EPB41L4A: variants seen among roughly 807,000 people sequenced by gnomAD.
EPB41L4A encodes the protein band 4.1-like protein 4A.
Under a neutral mutation model 108.6 loss-of-function variants are expected in EPB41L4A, and 100 were observed. That is an observed-to-expected ratio of 0.92 (90% CI 0.78 to 1.09). The LOEUF (loss-of-function observed/expected upper bound fraction) is 1.09, where lower values mean the gene tolerates loss of function less well. Among genes scored for constraint, EPB41L4A ranks in the 50% least tolerant of loss-of-function variants. EPB41L4A has a pLI of 0.00. For missense variants in EPB41L4A, 1,030 were observed against 842.7 expected (o/e 1.22, Z -2.75); for synonymous variants, 319 against 289.0 (o/e 1.10, Z -1.05).
At chr5:112,191,306 T>C (rs1180434318) in intron 17 of EPB41L4A, among the ~76,000 whole-genome samples, 4 of 152,148 alleles carry the variant, frequency 2.6e-5, no homozygotes, top group Admixed American at 6.5e-5. Flanking sequence ...CAAGGGCCCT[T>C]ACACACAGAG....
chr5:112,315,795 G>C (rs1271396198), intron 1 of EPB41L4A, among the ~76,000 whole-genome samples: 3 of 148,582 alleles, frequency 2.0e-5, no homozygotes, highest in Non-Finnish European at 4.4e-5. Flanking sequence ...AAAAAAATCT[G>C]ACAGAAATTT....
At chr5:112,201,462 T>C (rs1414247987) in intron 15 of EPB41L4A, among the ~76,000 whole-genome samples, 1 of 152,228 alleles carries the variant, frequency 6.6e-6, no homozygotes, top group Non-Finnish European at 1.5e-5. Flanking sequence ...TTATTTTGTA[T>C]GAAAATATGC....
At position 112,339,529 on chromosome 5, in the gene EPB41L4A, T is replaced by G. The variant is rs866363558; in HGVS notation, c.100-32039A>C. On this transcript the variant is annotated intron_variant, in intron 1 of 22. Coordinates refer to ENST00000261486, the MANE Select transcript of EPB41L4A (RefSeq NM_022140.5). ...ATATATAGATATATAGATATATATC[T>G]ATATATATATATATTTTTTTTTTAG... is the stretch of plus-strand genomic sequence containing the variant. Among the ~76,000 whole-genome samples the G allele has an allele frequency of 2.2e-3, 138 of 62,608 alleles. 2 individuals are homozygous for G. The highest frequency in any genetic ancestry group is 0.012 in the Admixed American group (43 of 3,738). 41.1% of individuals were successfully genotyped at this position (62,608 alleles called of 152,430 possible). A position where few individuals can be genotyped will look rare whatever the true frequency, so the allele number is the denominator to read the frequency against.
intron 20 of EPB41L4A, among the ~76,000 whole-genome samples, chr5:112,169,533 C>G (rs1006421735): frequency 3.8e-4 from 57 of 151,908 alleles, no homozygotes; most frequent in African/African-American, 1.4e-3. Context: ...GAAAGTAGAT[C>G]TTAAGTGTTC....
intron 22 of EPB41L4A, among the ~76,000 whole-genome samples, chr5:112,166,687 T>C (rs1760269113): frequency 6.6e-6 from 1 of 152,270 alleles, no homozygotes; most frequent in Admixed American, 6.5e-5. Context: ...TTTACTTTTA[T>C]GCCTCCAGGT....
chr5:112,389,068 GA>G (rs551726849), intron 1 of EPB41L4A, among the ~76,000 whole-genome samples: 11 of 149,026 alleles, frequency 7.4e-5, no homozygotes, highest in East Asian at 1.9e-4. Flanking sequence ...GTTGGACGTG[GA>G]AAAAAAAAAT....
At chr5:112,153,253 T>C (rs889247004) in intron 12 of EPB41L4A, among the ~76,000 whole-genome samples, 71 of 143,852 alleles carry the variant, frequency 4.9e-4, no homozygotes, top group African/African-American at 1.5e-3. Flanking sequence ...AGGCCGGGCA[T>C]GGTGTCTCAC....
intron 1 of EPB41L4A, among the ~76,000 whole-genome samples, chr5:112,377,272 A>T (rs1209074105): frequency 6.6e-6 from 1 of 152,118 alleles, no homozygotes; most frequent in Non-Finnish European, 1.5e-5. Flanking sequence ...AATGCTCTGT[A>T]CCTTGAATAT....
chr5:112,360,945 G>T (rs1406617177), intron 1 of EPB41L4A, among the ~76,000 whole-genome samples: 1 of 152,074 alleles, frequency 6.6e-6, no homozygotes, highest in East Asian at 1.9e-4. Context: ...GGGAGGTGAG[G>T]AGCGTCTCTG....
chr5:112,418,866 G>A, intron 1 of EPB41L4A, 75 bp downstream of exon 1: 10 of 1,188,828 alleles, frequency 8.4e-6, no homozygotes, highest in Non-Finnish European at 1.2e-5. Context: ...ACCCACCGGT[G>A]ACAGCCCTCA....
At chr5:112,374,855 C>T (rs1395560303) in intron 1 of EPB41L4A, among the ~76,000 whole-genome samples, 1 of 152,200 alleles carries the variant, frequency 6.6e-6, no homozygotes, top group East Asian at 1.9e-4. Flanking sequence ...TGGCCTTTCA[C>T]ATTTCCCCAC....
At chr5:112,220,526 A>G (rs561061107) in intron 12 of EPB41L4A, among the ~76,000 whole-genome samples, 4 of 152,314 alleles carry the variant, frequency 2.6e-5, no homozygotes, top group African/African-American at 7.2e-5. Context: ...ACCAGTATGT[A>G]TACTACCACA....
intron 12 of EPB41L4A, among the ~76,000 whole-genome samples, chr5:112,148,174 A>AATATAATAATATAATAGTATTACT (rs1390058548): frequency 4.1e-5 from 6 of 147,654 alleles, no homozygotes; most frequent in African/African-American, 9.8e-5. Context: ...ATTACTATAT[A>AATATAATAATATAATAGTATTACT]ATATAATAAT....
intron 1 of EPB41L4A, among the ~76,000 whole-genome samples, chr5:112,342,603 T>C (rs936185359): frequency 6.6e-6 from 1 of 152,166 alleles, no homozygotes; most frequent in Non-Finnish European, 1.5e-5. Flanking sequence ...GGGTCTATTG[T>C]TCCTAGTCGA....
rs181546329 is a variant in EPB41L4A, at chr5:112,177,813, A to C, written c.1622+6203T>G. On this transcript the variant is annotated intron_variant, in intron 18 of 22. Transcript: ENST00000261486. ...GAGAGAAAGCAATAAATAAAAAAAT[A>C]ATAAAAGTATAGGTAAGATATCAGT... is the stretch of plus-strand genomic sequence containing the variant. 5.3e-5 allele frequency among the ~76,000 whole-genome samples: 8 copies of C among 152,292 alleles called. No homozygotes were observed. In the East Asian group the frequency reaches 7.7e-4, roughly 15 times the overall value.
chr5:112,233,731 T>C (rs1749126435), intron 12 of EPB41L4A, among the ~76,000 whole-genome samples: 1 of 152,178 alleles, frequency 6.6e-6, no homozygotes, highest in African/African-American at 2.4e-5. Context: ...TTGTTGTTTG[T>C]TTGTTTTTTT....
intron 1 of EPB41L4A, among the ~76,000 whole-genome samples, chr5:112,333,621 C>G (rs926980169): frequency 6.6e-5 from 10 of 152,168 alleles, no homozygotes; most frequent in African/African-American, 1.7e-4. Context: ...TTTTCTCCCC[C>G]ACTCTCTCCC....
chr5:112,269,207 C>G (rs1752087676), intron 4 of EPB41L4A, among the ~76,000 whole-genome samples: 1 of 151,934 alleles, frequency 6.6e-6, no homozygotes, highest in Non-Finnish European at 1.5e-5. Context: ...AATATCTACT[C>G]AAACTTCCCT....
chr5:112,404,199 T>A (rs976880536), intron 1 of EPB41L4A, among the ~76,000 whole-genome samples: 3 of 152,248 alleles, frequency 2.0e-5, no homozygotes, highest in African/African-American at 7.2e-5. Flanking sequence ...TGGCATTATA[T>A]GACTATATAA....
Sources: gnomAD v4.1 joint callset for allele counts (sites outside exome capture counted in the v4.1 genomes callset) on GRCh38, gnomAD v4.1.1 for gene constraint, MANE v1.5 for transcripts, NCBI Gene and HGNC (gene_info 2026-07-23, HGNC 2026-07-21) for gene names.